OSBPL6: variants seen among roughly 807,000 people sequenced by gnomAD.
The protein encoded by OSBPL6 is oxysterol-binding protein-related protein 6.
In OSBPL6, 49 loss-of-function variants were observed where a neutral mutation model predicts 125.8. The observed-to-expected ratio is 0.39, with a 90% CI of 0.31 to 0.49. The LOEUF (loss-of-function observed/expected upper bound fraction) is 0.49, where lower values mean the gene tolerates loss of function less well. Ranked by LOEUF, OSBPL6 falls within the 20% of genes least tolerant of loss-of-function variation. The probability of loss-of-function intolerance (pLI) is 0.88; values close to 1 mark genes in which losing one functional copy is unlikely to be tolerated. For missense variants in OSBPL6, 986 were observed against 1,135.4 expected (o/e 0.87, Z 1.89); for synonymous variants, 394 against 391.8 (o/e 1.01, Z -0.07).
intron 1 of OSBPL6, among the ~76,000 whole-genome samples, chr2:178,258,048 C>T (rs1574654268): frequency 6.6e-6 from 1 of 152,136 alleles, no homozygotes; most frequent in African/African-American, 2.4e-5. Context: ...ACCAAAGCCT[C>T]CCAAAGTGCT....
At chr2:178,380,237 CT>C (rs1227008901) in intron 15 of OSBPL6, among the ~76,000 whole-genome samples, 3 of 151,808 alleles carry the variant, frequency 2.0e-5, no homozygotes, top group Non-Finnish European at 4.4e-5. Context: ...TTGCTTGAAG[CT>C]AGGAGTTCAA....
chr2:178,265,299 C>T (rs145181499), intron 1 of OSBPL6, among the ~76,000 whole-genome samples: 2,096 of 139,458 alleles, frequency 0.015, 13 homozygotes, highest in Non-Finnish European at 0.021. Context: ...GTAGCCTCAA[C>T]CTTCTGGGCT....
At position 178,197,031 on chromosome 2, in the gene OSBPL6, A is replaced by ATTT. The variant is rs5836646; in HGVS notation, c.-351+2369_-351+2371dup. On this transcript the variant is annotated intron_variant, in intron 1 of 24. Coordinates refer to ENST00000190611, the MANE Select transcript of OSBPL6 (RefSeq NM_032523.4). ...TGTTTCTCTTTTCTCCTCTCTGACC[A>ATTT]TTTTTTTTTTTTTTGAGATATTGCA... 5.0e-5 allele frequency among the ~76,000 whole-genome samples: 7 copies of ATTT among 140,958 alleles called. No homozygotes were observed. In the East Asian group the frequency reaches 8.0e-4, roughly 16 times the overall value. 92.5% of individuals were successfully genotyped at this position (140,958 alleles called of 152,430 possible). A position where few individuals can be genotyped will look rare whatever the true frequency, so the allele number is the denominator to read the frequency against.
intron 1 of OSBPL6, among the ~76,000 whole-genome samples, chr2:178,224,257 T>C (rs2090459913): frequency 1.3e-5 from 2 of 152,038 alleles, no homozygotes; most frequent in African/African-American, 4.8e-5. Flanking sequence ...AGACACTAAA[T>C]AGTGAATAAG....
rs1553574864 is a variant in OSBPL6 at position 178,379,285 on chromosome 2, A to AAAGAG, written c.1534-3131_1534-3130insGAAGA. ...ACAAAGAAAGAGAAAGAAAGAAAGA[A>AAAGAG]AAGAAAGAAAGAAGAAAGAAAGAAA... On this transcript the variant is annotated intron_variant, in intron 15 of 24. Transcript: ENST00000190611. Among the ~76,000 whole-genome samples the AAAGAG allele has an allele frequency of 4.6e-4, 66 of 141,936 alleles. No individual in the cohort carries two copies. The South Asian group carries it at 0.014, about 30-fold the overall frequency. 93.1% of individuals were successfully genotyped at this position (141,936 alleles called of 152,430 possible).
chr2:178,359,037 A>G (rs1464420130), intron 12 of OSBPL6, among the ~76,000 whole-genome samples: 2 of 152,114 alleles, frequency 1.3e-5, no homozygotes, highest in Admixed American at 6.6e-5. Flanking sequence ...TTAGCCAGGC[A>G]TGTTAATGTG....
intron 15 of OSBPL6, among the ~76,000 whole-genome samples, chr2:178,381,289 C>T (rs1694451604): frequency 6.6e-6 from 1 of 152,066 alleles, no homozygotes; most frequent in Admixed American, 6.6e-5. Context: ...TCACATTTTT[C>T]TCATGCAGGG....
intron 13 of OSBPL6, among the ~76,000 whole-genome samples, chr2:178,369,402 C>T (rs1198026829): frequency 6.6e-6 from 1 of 152,116 alleles, no homozygotes; most frequent in Admixed American, 6.5e-5. Context: ...ATTATTTTTG[C>T]ACTATTCTGG....
chr2:178,285,402 C>T (rs553506396), intron 2 of OSBPL6, among the ~76,000 whole-genome samples: 1 of 152,026 alleles, frequency 6.6e-6, no homozygotes, highest in African/African-American at 2.4e-5. Context: ...ACTGCTTTTC[C>T]CTTCTTGAGC....
At chr2:178,380,338 C>A (rs1455996558) in intron 15 of OSBPL6, among the ~76,000 whole-genome samples, 1 of 150,736 alleles carries the variant, frequency 6.6e-6, no homozygotes, top group African/African-American at 2.4e-5. Context: ...GTAGTCCCAG[C>A]TACTTGGGAG....
At chr2:178,232,630 C>G (rs2090883328) in intron 1 of OSBPL6, among the ~76,000 whole-genome samples, 1 of 152,132 alleles carries the variant, frequency 6.6e-6, no homozygotes, top group Non-Finnish European at 1.5e-5. Context: ...GAGGAGGAAA[C>G]AGTTACCTAG....
At chr2:178,281,672 C>T (rs1236663379) in intron 1 of OSBPL6, among the ~76,000 whole-genome samples, 6 of 152,046 alleles carry the variant, frequency 3.9e-5, no homozygotes, top group Admixed American at 1.3e-4. Context: ...AGGTAGAAGC[C>T]ATTATCCTCA....
At chr2:178,276,246 G>T (rs2092466421) in intron 1 of OSBPL6, among the ~76,000 whole-genome samples, 2 of 151,878 alleles carry the variant, frequency 1.3e-5, no homozygotes, top group African/African-American at 4.8e-5. Context: ...TTATATGATA[G>T]TTTAAGCTTT....
intron 3 of OSBPL6, chr2:178,320,322 A>G: frequency 6.2e-7 from 1 of 1,612,598 alleles, no homozygotes; most frequent in East Asian, 2.2e-5. Flanking sequence ...TTAAAGAGCT[A>G]CAGTGAAATA....
At chr2:178,294,690 G>C (rs1358304992) in intron 2 of OSBPL6, among the ~76,000 whole-genome samples, 1 of 148,120 alleles carries the variant, frequency 6.8e-6, no homozygotes, top group Non-Finnish European at 1.5e-5. Context: ...TCAAACCATT[G>C]TAAGTTAGTT....
intron 2 of OSBPL6, among the ~76,000 whole-genome samples, chr2:178,289,261 C>A (rs2154041420): frequency 1.3e-5 from 2 of 152,200 alleles, no homozygotes; most frequent in Middle Eastern, 6.8e-3. Flanking sequence ...CATGATCCAC[C>A]CGCCTCGGCC....
chr2:178,250,647 A>G (rs924019119), intron 1 of OSBPL6, among the ~76,000 whole-genome samples: 1 of 152,138 alleles, frequency 6.6e-6, no homozygotes, highest in Middle Eastern at 3.4e-3. Flanking sequence ...CCTGCCTGAA[A>G]CACTCCTGGG....
chr2:178,200,190 T>G (rs1293251065), intron 1 of OSBPL6, among the ~76,000 whole-genome samples: 2 of 151,926 alleles, frequency 1.3e-5, no homozygotes, highest in Non-Finnish European at 2.9e-5. Flanking sequence ...GACATTTATA[T>G]GCAAATCAAT....
rs747653047 is a variant in OSBPL6 at position 178,306,219 on chromosome 2, A to T, written c.35A>T (p.His12Leu). ...GATGAGAAGGGCATTTCCCCTGCTC[A>T]TAAAACATCCACTCCAACCCATAGA... ...SSDEKGISPAHKTSTPTHRSA... is the reference protein window; with the variant it reads ...SSDEKGISPALKTSTPTHRSA... The change falls in exon 3 of 25, where the codon CAT becomes CTT. Residue 12 changes from histidine to leucine, a missense_variant. Physicochemically the swap from His to Leu is moderately conservative, Grantham distance 99. This residue lies in a region of OSBPL6 where 130 missense variants were observed against 106.4 expected (regional missense o/e 1.22). Coordinates refer to ENST00000190611, the MANE Select transcript of OSBPL6 (RefSeq NM_032523.4). 6.2e-7 allele frequency: 1 copy of T among 1,613,864 alleles called. No individual in the cohort carries two copies. The highest frequency in any genetic ancestry group is 1.3e-5 in the African/African-American group (1 of 74,920).
Sources: gnomAD v4.1 joint callset for allele counts (sites outside exome capture counted in the v4.1 genomes callset) on GRCh38, gnomAD v4.1.1 for gene constraint, gnomAD v4.1.1 regional missense constraint, MANE v1.5 for transcripts, NCBI Gene and HGNC (gene_info 2026-07-23, HGNC 2026-07-21) for gene names.